TXK: variants seen among roughly 807,000 people sequenced by gnomAD.
The protein encoded by TXK is TXK tyrosine kinase.
TXK carries 60 observed loss-of-function variants against 81.0 expected under a neutral mutation model. The observed-to-expected ratio is 0.74, with a 90% CI of 0.60 to 0.92. TXK has a LOEUF of 0.92. TXK is among the 40% of genes least tolerant of loss of function. The probability of loss-of-function intolerance (pLI) is 0.00; values close to 1 mark genes in which losing one functional copy is unlikely to be tolerated. For synonymous variants in TXK, 203 were observed against 210.7 expected (o/e 0.96, Z 0.32); for missense variants, 581 against 638.3 (o/e 0.91, Z 0.97).
At chr4:48,093,027 C>T (rs1196513451) in intron 8 of TXK, among the ~76,000 whole-genome samples, 1 of 152,144 alleles carries the variant, frequency 6.6e-6, no homozygotes, top group Non-Finnish European at 1.5e-5. Flanking sequence ...ACCTTATCAC[C>T]AAAACCACTC....
intron 10 of TXK, among the ~76,000 whole-genome samples, chr4:48,083,434 C>T (rs951433026): frequency 2.0e-5 from 3 of 152,312 alleles, no homozygotes; most frequent in Non-Finnish European, 2.9e-5. Flanking sequence ...ATGTGTAAAA[C>T]CATTTTTACA....
At chr4:48,069,949 G>A (rs780738144) in intron 14 of TXK, among the ~76,000 whole-genome samples, 9 of 152,172 alleles carry the variant, frequency 5.9e-5, no homozygotes, top group Non-Finnish European at 1.2e-4. Context: ...ACAGCTTGCT[G>A]AGCATTTTTC....
At chr4:48,073,333 A>C (rs984142552) in intron 13 of TXK, among the ~76,000 whole-genome samples, 1 of 152,116 alleles carries the variant, frequency 6.6e-6, no homozygotes, top group South Asian at 2.1e-4. Context: ...TTGCATATTT[A>C]TTACCATTTT....
At chr4:48,108,526 T>C (rs1718533793) in intron 5 of TXK, among the ~76,000 whole-genome samples, 1 of 152,224 alleles carries the variant, frequency 6.6e-6, no homozygotes, top group East Asian at 1.9e-4. Context: ...ACACATGCTC[T>C]AGTACTTCAA....
intron 14 of TXK, among the ~76,000 whole-genome samples, chr4:48,071,050 C>T (rs1229302870): frequency 6.6e-6 from 1 of 151,764 alleles, no homozygotes; most frequent in Non-Finnish European, 1.5e-5. Flanking sequence ...CAGGCATGCA[C>T]CACCACGCCC....
At chr4:48,134,115 A>C (rs1185258598) in intron 1 of TXK, 40 bp downstream of exon 1, 2 of 1,612,086 alleles carry the variant, frequency 1.2e-6, no homozygotes, top group African/African-American at 1.3e-5. Flanking sequence ...AGGCCCCAGA[A>C]CAAGCCCCAA....
At chr4:48,125,086 C>T (rs1719054202) in intron 1 of TXK, among the ~76,000 whole-genome samples, 1 of 152,220 alleles carries the variant, frequency 6.6e-6, no homozygotes. Context: ...CTAACTTACT[C>T]ACTATACTAA....
At chr4:48,104,275 T>C (rs1408855557) in intron 6 of TXK, among the ~76,000 whole-genome samples, 1 of 6,432 alleles carries the variant, frequency 1.6e-4, no homozygotes, top group Non-Finnish European at 2.3e-4. Context: ...TATAATATAA[T>C]ATATAATATA....
chr4:48,069,198 A>G (rs925264377), intron 14 of TXK, among the ~76,000 whole-genome samples: 12 of 152,068 alleles, frequency 7.9e-5, no homozygotes, highest in African/African-American at 2.9e-4. Flanking sequence ...GCTATTCAGG[A>G]GGCTGAGCTG....
At chr4:48,078,764 C>T (rs1717168874) in intron 11 of TXK, among the ~76,000 whole-genome samples, 1 of 152,208 alleles carries the variant, frequency 6.6e-6, no homozygotes, top group Non-Finnish European at 1.5e-5. Flanking sequence ...AAACAACCTC[C>T]ACATCAGGAG....
Position 48,131,336 on chromosome 4 carries a change from A to T in TXK, c.16+2819T>A, listed in dbSNP as rs796510546. Among the ~76,000 whole-genome samples the T allele has an allele frequency of 8.0e-4, 118 of 148,378 alleles. 1 individual carries two copies. Among genetic ancestry groups the T allele is most frequent in the African/African-American group, 2.2e-3 (90 of 40,416 alleles). ...TATAAACTTTTTTTTTTTTTTTTTTAAAAGACTGGGTCTCACTTTGTCACC... is the reference window on the plus strand; with the variant it reads ...TATAAACTTTTTTTTTTTTTTTTTTTAAAGACTGGGTCTCACTTTGTCACC... On this transcript the variant is annotated intron_variant, in intron 1 of 14. Transcript: ENST00000264316.
rs554453819 is a variant in TXK at position 48,089,581 on chromosome 4, G to A, written c.784+169C>T. ...AATTTTTTGTATTTTTAGTAGAGAC[G>A]GGGTATCACCATTTTGGCCAGGGTG... On this transcript the variant is annotated intron_variant, in intron 9 of 14. Coordinates refer to ENST00000264316, the MANE Select transcript of TXK (RefSeq NM_003328.3). The A allele has an allele frequency of 1.1e-4, 52 of 479,208 alleles. No individual in the cohort carries two copies. The South Asian group carries it at 1.2e-3, about 11-fold the overall frequency. 29.7% of individuals were successfully genotyped at this position (479,208 alleles called of 1,614,324 possible).
At chr4:48,078,237 C>T (rs112781619) in intron 11 of TXK, among the ~76,000 whole-genome samples, 1,527 of 152,258 alleles carry the variant, frequency 0.01, 18 homozygotes, top group Non-Finnish European at 0.016. Context: ...GTGTAAATGA[C>T]GTAAATAATT....
At chr4:48,067,811 G>A (rs758679691) in intron 14 of TXK, 106 bp from the exon 15 acceptor site, 33 of 1,083,810 alleles carry the variant, frequency 3.0e-5, no homozygotes, top group South Asian at 4.1e-5. Flanking sequence ...CCCACTGCTC[G>A]AGGTCATCGC....
At chr4:48,079,444 C>A (rs1256902741) in intron 11 of TXK, among the ~76,000 whole-genome samples, 1 of 152,116 alleles carries the variant, frequency 6.6e-6, no homozygotes, top group East Asian at 1.9e-4. Flanking sequence ...GATCTTCTGG[C>A]CCCCACCCAG....
chr4:48,070,469 T>C (rs1203147327), intron 14 of TXK, among the ~76,000 whole-genome samples: 1 of 152,188 alleles, frequency 6.6e-6, no homozygotes, highest in Non-Finnish European at 1.5e-5. Flanking sequence ...CAAAGCAAAG[T>C]TGAGTGAAGT....
At chr4:48,072,569 C>T (rs1716907782) in intron 13 of TXK, among the ~76,000 whole-genome samples, 1 of 152,248 alleles carries the variant, frequency 6.6e-6, no homozygotes, top group African/African-American at 2.4e-5. Flanking sequence ...CCTGCAAGAA[C>T]TCCTAATTTG....
intron 2 of TXK, among the ~76,000 whole-genome samples, chr4:48,113,658 T>C (rs1201086581): frequency 1.3e-4 from 20 of 152,206 alleles, no homozygotes; most frequent in Non-Finnish European, 1.5e-5. Flanking sequence ...TTTATATGCA[T>C]TACCTCATTT....
chr4:48,121,935 G>GAT (rs1718973856), intron 1 of TXK, among the ~76,000 whole-genome samples: 2 of 152,042 alleles, frequency 1.3e-5, no homozygotes, highest in Admixed American at 6.6e-5. Flanking sequence ...GTAAATTTTT[G>GAT]ATATATATAT....
Sources: allele counts gnomAD v4.1 joint callset (sites outside exome capture counted in the v4.1 genomes callset), GRCh38; gene constraint gnomAD v4.1.1; transcripts MANE v1.5; gene names NCBI Gene and HGNC (gene_info 2026-07-23, HGNC 2026-07-21).